FAM13A: variants seen among roughly 807,000 people sequenced by gnomAD.
The protein encoded by FAM13A is family with sequence similarity 13 member A, also known as protein FAM13A.
FAM13A carries 76 observed loss-of-function variants against 129.6 expected under a neutral mutation model. The observed-to-expected ratio is 0.59, with a 90% confidence interval of 0.49 to 0.71. The LOEUF (loss-of-function observed/expected upper bound fraction) is 0.71, where lower values mean the gene tolerates loss of function less well. Among genes scored for constraint, FAM13A ranks in the 30% least tolerant of loss-of-function variants. The pLI is 0.00. For synonymous variants in FAM13A, 443 were observed against 449.9 expected (o/e 0.98, Z 0.20); for missense variants, 1,108 against 1,249.3 (o/e 0.89, Z 1.70).
intron 6 of FAM13A, among the ~76,000 whole-genome samples, chr4:88,901,543 G>C (rs376902164): frequency 6.6e-6 from 1 of 151,908 alleles, no homozygotes; most frequent in Non-Finnish European, 1.5e-5. Flanking sequence ...ATGACACTTG[G>C]GTAAATAATG....
At chr4:89,036,496 G>C (rs1769405321) in intron 1 of FAM13A, among the ~76,000 whole-genome samples, 1 of 152,164 alleles carries the variant, frequency 6.6e-6, no homozygotes, top group Non-Finnish European at 1.5e-5. Flanking sequence ...AAGGAAAACA[G>C]AGCATAAAAG....
At chr4:88,911,772 A>G (rs1749124444) in intron 5 of FAM13A, among the ~76,000 whole-genome samples, 1 of 152,142 alleles carries the variant, frequency 6.6e-6, no homozygotes, top group Admixed American at 6.5e-5. Context: ...CTCTGCAGTC[A>G]TATCTTCTCA....
chr4:88,859,888 T>C (rs1421069917), intron 6 of FAM13A, among the ~76,000 whole-genome samples: 1 of 149,522 alleles, frequency 6.7e-6, no homozygotes, highest in African/African-American at 2.4e-5. Context: ...TCCAAGTGTG[T>C]CTTTTTCATT....
intron 3 of FAM13A, among the ~76,000 whole-genome samples, chr4:89,015,412 C>T (rs966015509): frequency 6.6e-6 from 1 of 152,162 alleles, no homozygotes; most frequent in African/African-American, 2.4e-5. Context: ...AACCTGCTGA[C>T]ATGTGATGTC....
intron 1 of FAM13A, among the ~76,000 whole-genome samples, chr4:89,030,277 T>C (rs1016297885): frequency 5.3e-5 from 8 of 152,052 alleles, no homozygotes; most frequent in African/African-American, 1.2e-4. Flanking sequence ...TCAACAAGAT[T>C]GTATTATATA....
rs1214263700 is a variant in FAM13A, at chr4:88,727,447, A to ATGATCTCGAAAATAGTGTGATTT, written c.*1063_*1085dup. On this transcript the variant is annotated 3_prime_UTR_variant, in exon 24 of 24. Coordinates refer to ENST00000264344, the MANE Select transcript of FAM13A (RefSeq NM_014883.4). ...TGACTTCTTTTTTTTCTTTTTATAC[A>ATGATCTCGAAAATAGTGTGATTT]TGATCTCGAAAATAGTGTGATTTAG... 5 of 152,548 alleles carry ATGATCTCGAAAATAGTGTGATTT rather than the reference A, an allele frequency of 3.3e-5. No individual in the cohort carries two copies. 9.4% of individuals were successfully genotyped at this position (152,548 alleles called of 1,614,324 possible).
chr4:88,982,028 G>T (rs890136086), intron 4 of FAM13A, among the ~76,000 whole-genome samples: 14 of 152,220 alleles, frequency 9.2e-5, no homozygotes, highest in Non-Finnish European at 1.6e-4. Context: ...CCAAGAAGAA[G>T]AATCTAGCAT....
At chr4:88,925,265 T>C (rs1404163472) in intron 5 of FAM13A, among the ~76,000 whole-genome samples, 2 of 152,172 alleles carry the variant, frequency 1.3e-5, no homozygotes, top group Non-Finnish European at 2.9e-5. Flanking sequence ...TGTATGTTTA[T>C]TGCGGCTCTA....
intron 23 of FAM13A, chr4:88,730,163 G>T (rs184187237): frequency 1.7e-4 from 26 of 152,268 alleles, no homozygotes; most frequent in African/African-American, 5.5e-4. Flanking sequence ...GGACTCAAGA[G>T]AAACAATACT....
chr4:88,759,656 C>A (rs1424274605), intron 13 of FAM13A, among the ~76,000 whole-genome samples: 1 of 151,896 alleles, frequency 6.6e-6, no homozygotes, highest in Admixed American at 6.6e-5. Flanking sequence ...ATGCATAATT[C>A]ATGTCTTACA....
At position 88,790,633 on chromosome 4, in the gene FAM13A, G is replaced by A; in HGVS notation, c.1050-6C>T. The A allele has an allele frequency of 6.2e-7, 1 of 1,610,382 alleles. No individual in the cohort carries two copies. The highest frequency in any genetic ancestry group is 8.5e-7 in the Non-Finnish European group (1 of 1,177,998). On this transcript the variant is annotated splice_polypyrimidine_tract_variant and splice_region_variant and intron_variant, in intron 8 of 23. Coordinates refer to ENST00000264344, the MANE Select transcript of FAM13A (RefSeq NM_014883.4). ...TGACTTGGGGTACATGAGCACTGCA[G>A]AAAAGAAGCAAAGAGAAAGTCAGGT...
intron 3 of FAM13A, among the ~76,000 whole-genome samples, chr4:88,992,282 T>C (rs1763010801): frequency 6.6e-6 from 1 of 151,984 alleles, no homozygotes; most frequent in East Asian, 1.9e-4. Flanking sequence ...TCTTTTTTTT[T>C]TTTTAAGGAG....
At chr4:88,812,112 C>T (rs887513418) in intron 7 of FAM13A, among the ~76,000 whole-genome samples, 2 of 152,144 alleles carry the variant, frequency 1.3e-5, no homozygotes, top group Non-Finnish European at 2.9e-5. Context: ...AGATATGAGA[C>T]CTTTGAGCTT....
At chr4:88,769,193 G>A (rs1720103249) in intron 11 of FAM13A, among the ~76,000 whole-genome samples, 1 of 152,014 alleles carries the variant, frequency 6.6e-6, no homozygotes, top group Non-Finnish European at 1.5e-5. Context: ...CCATGAAGTT[G>A]GCATTTACAA....
chr4:88,871,845 A>C (rs1741463753), intron 6 of FAM13A, among the ~76,000 whole-genome samples: 1 of 152,220 alleles, frequency 6.6e-6, no homozygotes, highest in Non-Finnish European at 1.5e-5. Context: ...CATAATTGTC[A>C]GATTCACCAA....
intron 5 of FAM13A, among the ~76,000 whole-genome samples, chr4:88,908,814 C>T (rs1748570959): frequency 6.6e-6 from 1 of 152,090 alleles, no homozygotes; most frequent in South Asian, 2.1e-4. Context: ...AGTTGCGTTC[C>T]CAGTGCCCCA....
intron 6 of FAM13A, among the ~76,000 whole-genome samples, chr4:88,854,300 C>A (rs1177964997): frequency 6.6e-6 from 1 of 152,176 alleles, no homozygotes; most frequent in Non-Finnish European, 1.5e-5. Context: ...CTTAGTGGCT[C>A]CATGAGGCTC....
intron 7 of FAM13A, among the ~76,000 whole-genome samples, chr4:88,831,201 T>C (rs1561109675): frequency 1.3e-5 from 2 of 152,204 alleles, no homozygotes; most frequent in African/African-American, 4.8e-5. Flanking sequence ...TGGGACTCTC[T>C]GGGCATGACT....
chr4:88,853,017 T>C (rs1277048073), intron 6 of FAM13A, among the ~76,000 whole-genome samples: 2 of 152,184 alleles, frequency 1.3e-5, no homozygotes, highest in Non-Finnish European at 2.9e-5. Flanking sequence ...TAGAGCAAAG[T>C]GAACTCAATA....
Sources: gnomAD v4.1 joint callset for allele counts (sites outside exome capture counted in the v4.1 genomes callset) on GRCh38, gnomAD v4.1.1 for gene constraint, MANE v1.5 for transcripts, NCBI Gene and HGNC (gene_info 2026-07-23, HGNC 2026-07-21) for gene names.